ZACN: variants seen among roughly 807,000 people sequenced by gnomAD.
ZACN encodes zinc activated ion channel.
Under a neutral mutation model 38.9 loss-of-function variants are expected in ZACN, and 52 were observed. The observed-to-expected ratio is 1.34, with a 90% CI of 1.07 to 1.68. The LOEUF (loss-of-function observed/expected upper bound fraction) is 1.68, where lower values mean the gene tolerates loss of function less well. ZACN is among the 40% of genes most tolerant of loss of function. The pLI, the probability that ZACN is intolerant of heterozygous loss-of-function variation, is 0.00. For missense variants in ZACN, 559 were observed against 525.6 expected (o/e 1.06, Z -0.62); for synonymous variants, 235 against 227.4 (o/e 1.03, Z -0.30).
In ZACN at chr17:76,079,906, C is replaced by G. The variant is rs765210418; in HGVS notation, c.286C>G (p.Leu96Val). 4 of 1,598,154 alleles carry G rather than the reference C, an allele frequency of 2.5e-6. No individual in the cohort carries two copies. Among genetic ancestry groups the G allele is most frequent in the African/African-American group, 1.3e-5 (1 of 74,466 alleles). Residue 96 changes from leucine to valine, a missense_variant, in exon 4 of 9, where the codon CTG (leucine) becomes GTG (valine). By Grantham distance (32) the Leu-to-Val change is conservative. Transcript: ENST00000334586. ...TCCCCAGTCCTGGCTGGACACTCGC[C>G]TGGCCTGGAACACTAGTGCACACCC... ...LLRLSWLDTRLAWNTSAHPRH... is the reference protein window; with the variant it reads ...LLRLSWLDTRVAWNTSAHPRH...
Position 76,082,736 on chromosome 17 carries a change from T to A in ZACN, c.*83T>A. On this transcript the variant is annotated 3_prime_UTR_variant, in exon 9 of 9. Transcript: ENST00000334586. The stretch of plus-strand genomic sequence containing the variant: ...GCGGGCCATGACAGGGCCTCTGGAT[T>A]AAGCCACCCTGAGCTCTCCCTCCGC... The A allele has an allele frequency of 7.3e-7, 1 of 1,370,598 alleles. No individual in the cohort carries two copies. The allele number at this position is 1,370,598 out of a possible 1,614,324, so 84.9% of individuals were successfully genotyped here.
At chr17:76,080,508 C>G in intron 5 of ZACN, 84 bp downstream of exon 5, 1 of 1,560,284 alleles carries the variant, frequency 6.4e-7, no homozygotes, top group Non-Finnish European at 8.7e-7. Flanking sequence ...GGTGCAGGGG[C>G]AGGGTGCGGG....
At chr17:76,081,154 C>A (rs1598280970) in intron 5 of ZACN, 124 bp from the exon 6 acceptor site, 3 of 1,399,548 alleles carry the variant, frequency 2.1e-6, no homozygotes, top group East Asian at 4.6e-5. Context: ...GTTTTGTGTC[C>A]AAGTCTGTCC....
chr17:76,082,136 G>A lies in ZACN; in HGVS notation c.1048+87G>A. On this transcript the variant is annotated intron_variant, in intron 8 of 8. Coordinates refer to ENST00000334586, the MANE Select transcript of ZACN (RefSeq NM_180990.4). ...GCACGGAGGTCCAGGTGTGGGTAGA[G>A]GCCCCTTGCATCCACCCTGCTGGCT... 2.1e-6 allele frequency: 3 copies of A among 1,448,894 alleles called. No homozygotes were observed. In the South Asian group the frequency reaches 3.9e-5, roughly 19 times the overall value. The allele number at this position is 1,448,894 out of a possible 1,614,324, so 89.8% of individuals were successfully genotyped here.
rs902606140 is a variant in ZACN at position 76,082,610 on chromosome 17, C to T, written c.1196C>T (p.Ala399Val). Residue 399 changes from alanine (A) to valine (V), a missense_variant, in exon 9 of 9, where the codon GCC (alanine) becomes GTC (valine). Transcript: ENST00000334586. ...WMWAACKSDA[A>V]PGEAAPHGRR... ...TGGGCAGCGTGCAAGTCTGACGCAG[C>T]CCCTGGAGAGGCTGCACCCCATGGC... 1.9e-6 allele frequency: 3 copies of T among 1,613,122 alleles called. No homozygotes were observed. The highest frequency in any genetic ancestry group is 2.7e-5 in the African/African-American group (2 of 74,916).
intron 5 of ZACN, 72 bp from the exon 6 acceptor site, chr17:76,081,204 CCA>C: frequency 1.3e-6 from 2 of 1,591,444 alleles, no homozygotes; most frequent in African/African-American, 1.3e-5. Flanking sequence ...CCCCTGGGCT[CCA>C]GTCTGCTACC....
chr17:76,079,670 C>CA, intron 2 of ZACN, 32 bp from the exon 3 acceptor site: 1 of 1,611,754 alleles, frequency 6.2e-7, no homozygotes, highest in Non-Finnish European at 8.5e-7. Flanking sequence ...ACACAGCGCT[C>CA]ACCCTGAGGT....
chr17:76,080,170 G>C, intron 4 of ZACN, 85 bp from the exon 5 acceptor site: 1 of 1,501,978 alleles, frequency 6.7e-7, no homozygotes, highest in Non-Finnish European at 8.9e-7. Flanking sequence ...GAAAGCAGCT[G>C]GGGTTGGGGT....
rs1230829163 is a variant in ZACN at position 76,082,010 on chromosome 17, C to A, written c.1009C>A (p.Gln337Lys). The A allele has an allele frequency of 6.2e-7, 1 of 1,611,380 alleles. No individual in the cohort carries two copies. Among genetic ancestry groups the A allele is most frequent in the Admixed American group, 1.7e-5 (1 of 59,524 alleles). Residue 337 changes from glutamine to lysine, a missense_variant, in exon 8 of 9, where the codon CAG (glutamine) becomes AAG (lysine). Physicochemically the swap from Gln to Lys is moderately conservative, Grantham distance 53 (BLOSUM62 1). Transcript: ENST00000334586. ...CCCCAGCCCAGCCCCGAGAGGGGAA[C>A]AGCGAGAGCACGGCAACCCAGGGCC... ...SGPSPAPRGE[Q>K]REHGNPGPHP...
chr17:76,081,401 C>T lies in ZACN; in HGVS notation c.668C>T (p.Thr223Met), dbSNP rs200623073. 378 of 1,614,062 alleles carry T rather than the reference C, an allele frequency of 2.3e-4. No homozygotes were observed. The highest frequency in any genetic ancestry group is 3.1e-4 in the Non-Finnish European group (360 of 1,180,000). ...PQQLVPCFQVTLRLKNTALKS... is the reference protein window; with the variant it reads ...PQQLVPCFQVMLRLKNTALKS... ...CAGCTGGTGCCCTGCTTCCAGGTGA[C>T]GGTGAGTCAAGTCGGGAGGAGGCCG... The change falls in exon 6 of 9, where the codon ACG (threonine) becomes ATG (methionine). Residue 223 changes from threonine (T) to methionine (M), a missense_variant and splice_region_variant. Coordinates refer to ENST00000334586, the MANE Select transcript of ZACN (RefSeq NM_180990.4).
In ZACN at chr17:76,079,690, C is replaced by T. The variant is rs377430797; in HGVS notation, c.223-12C>T. On this transcript the variant is annotated splice_polypyrimidine_tract_variant and intron_variant, in intron 2 of 8. Transcript: ENST00000334586. ...GCGCTCACCCTGAGGTGATGCATTG[C>T]CCTTCCCCCAGGACATCCTGCGATA... The T allele has an allele frequency of 1.4e-5, 22 of 1,612,760 alleles. No homozygotes were observed. Among genetic ancestry groups the T allele is most frequent in the Non-Finnish European group, 1.8e-5 (21 of 1,179,264 alleles).
Position 76,082,548 on chromosome 17 carries a change from G to A in ZACN, c.1134G>A (p.Val378=). 4 of 1,613,872 alleles carry A rather than the reference G, an allele frequency of 2.5e-6. No individual in the cohort carries two copies. The highest frequency in any genetic ancestry group is 3.4e-6 in the Non-Finnish European group (4 of 1,179,954). ...RIFFLVYVVG[V]LCTQFVFAGI... ...TCTTCCTCGTGTATGTGGTTGGGGT[G>A]CTGTGCACCCAATTCGTCTTTGCAG... The change falls in exon 9 of 9, where the codon GTG becomes GTA. Residue 378 remains valine, a synonymous_variant. Transcript: ENST00000334586.
In ZACN at chr17:76,080,976, T is replaced by C. The variant is rs950018034; in HGVS notation, c.545-302T>C. ...TGGGGATCCTGCTTCAGCTGTGAGA[T>C]GATAGACTGACGAGCCTGTGACCAC... On this transcript the variant is annotated intron_variant, in intron 5 of 8. Transcript: ENST00000334586. 1.6e-4 allele frequency: 64 copies of C among 400,114 alleles called. No homozygotes were observed. In the Middle Eastern group the frequency reaches 3.1e-3, roughly 20 times the overall value. 24.8% of individuals were successfully genotyped at this position (400,114 alleles called of 1,614,324 possible). A position where few individuals can be genotyped will look rare whatever the true frequency, so the allele number is the denominator to read the frequency against.
chr17:76,081,461 T>A (rs912131844), intron 6 of ZACN, 59 bp downstream of exon 6: 1 of 1,611,372 alleles, frequency 6.2e-7, no homozygotes, highest in African/African-American at 1.3e-5. Flanking sequence ...GGAGTGAGGA[T>A]GCACGGCCAG....
rs774020675 is a variant in ZACN at position 76,081,322 on chromosome 17, A to C, written c.589A>C (p.Ser197Arg). 1.5e-5 allele frequency: 25 copies of C among 1,614,008 alleles called. No individual in the cohort carries two copies. Among genetic ancestry groups the C allele is most frequent in the Non-Finnish European group, 2.1e-5 (25 of 1,180,034 alleles). ...GGCCCACGTGGTGAACGAGATTGTG[A>C]GTGTCAAGAGGGAATACGTAGTTTA... ...FQAHVVNEIV[S>R]VKREYVVYDL... The change falls in exon 6 of 9, where the codon AGT becomes CGT. Residue 197 changes from serine (S) to arginine (R), a missense_variant. By Grantham distance (110) the Ser-to-Arg change is moderately radical. Coordinates refer to ENST00000334586, the MANE Select transcript of ZACN (RefSeq NM_180990.4).
rs2066918646 is a variant in ZACN, at chr17:76,079,576, A to C, written c.222+13A>C. 6.2e-7 allele frequency: 1 copy of C among 1,614,070 alleles called. No individual in the cohort carries two copies. The highest frequency in any genetic ancestry group is 8.5e-7 in the Non-Finnish European group (1 of 1,180,016). On this transcript the variant is annotated intron_variant, in intron 2 of 8. Transcript: ENST00000334586. ...CGTGTTTAATGTGGTAAGTGCCTCT[A>C]GGCCAAGGGCCCCAAGTGCTGAGCT...
chr17:76,080,588 G>A lies in ZACN; in HGVS notation c.544+164G>A, dbSNP rs538509029. 9 of 1,009,662 alleles carry A rather than the reference G, an allele frequency of 8.9e-6. No individual in the cohort carries two copies. The South Asian group carries it at 9.6e-5, about 11-fold the overall frequency. The allele number at this position is 1,009,662 out of a possible 1,614,324, so 62.5% of individuals were successfully genotyped here. A position where few individuals can be genotyped will look rare whatever the true frequency, so the allele number is the denominator to read the frequency against. ...CTGTGTTCAGAGCAGTCTACCCCAG[G>A]CTTAGGCGGGCAGCACCTGCTCTCC... On this transcript the variant is annotated intron_variant, in intron 5 of 8. Coordinates refer to ENST00000334586, the MANE Select transcript of ZACN (RefSeq NM_180990.4).
rs2066929027 is a variant in ZACN, at chr17:76,080,330, C to G, written c.450C>G (p.Ala150=). 6.2e-7 allele frequency: 1 copy of G among 1,613,912 alleles called. No individual in the cohort carries two copies. Residue 150 remains alanine (A), a synonymous_variant, in exon 5 of 9, where the codon GCC becomes GCG. Transcript: ENST00000334586. ...ACGGCCACGTGAAGCTCAACCTGGC[C>G]CTCGCCACGGAGACCAACTGCAACT... ...DQDGHVKLNL[A]LATETNCNFE...
chr17:76,082,417 A>G, intron 8 of ZACN, 46 bp from the exon 9 acceptor site: 1 of 1,540,482 alleles, frequency 6.5e-7, no homozygotes, highest in Non-Finnish European at 8.8e-7. Context: ...GCTCATGTTG[A>G]GGGGACCTTG....
Sources: allele counts gnomAD v4.1 joint callset, GRCh38; gene constraint gnomAD v4.1.1; transcripts MANE v1.5; gene names NCBI Gene and HGNC (gene_info 2026-07-23, HGNC 2026-07-21).